ABHD17B: variants seen among roughly 807,000 people sequenced by gnomAD.
ABHD17B encodes the protein abhydrolase domain containing 17B, depalmitoylase.
ABHD17B carries 9 observed loss-of-function variants against 26.2 expected under a neutral mutation model. The observed-to-expected ratio is 0.34, with a 90% confidence interval of 0.21 to 0.60. The LOEUF (loss-of-function observed/expected upper bound fraction) is 0.60. Among genes scored for constraint, ABHD17B ranks in the 20% least tolerant of loss-of-function variants. The pLI, the probability that ABHD17B is intolerant of heterozygous loss-of-function variation, is 0.80. For synonymous variants in ABHD17B, 127 were observed against 122.3 expected (o/e 1.04, Z -0.25); for missense variants, 224 against 352.1 (o/e 0.64, Z 2.91).
At chr9:71,868,304 T>G (rs985406788) in intron 3 of ABHD17B, among the ~76,000 whole-genome samples, 4 of 152,212 alleles carry the variant, frequency 2.6e-5, no homozygotes, top group African/African-American at 9.6e-5. Context: ...CTGCTAAATC[T>G]TGATTGTCTG....
intron 2 of ABHD17B, among the ~76,000 whole-genome samples, chr9:71,872,157 A>G (rs890888761): frequency 6.6e-6 from 1 of 152,222 alleles, no homozygotes; most frequent in Non-Finnish European, 1.5e-5. Context: ...TCTCTTCATT[A>G]AACAGATGAG....
chr9:71,863,146 T>C (rs963162528), downstream of ABHD17B, among the ~76,000 whole-genome samples: 1 of 152,192 alleles, frequency 6.6e-6, no homozygotes, highest in Non-Finnish European at 1.5e-5. Flanking sequence ...TTGGAGGATA[T>C]GGCACAAGAC....
chr9:71,880,546 C>T (rs969999798), intron 1 of ABHD17B, among the ~76,000 whole-genome samples: 1 of 151,780 alleles, frequency 6.6e-6, no homozygotes, highest in Admixed American at 6.6e-5. Flanking sequence ...ATATAATTAC[C>T]CTGATAGAAA....
intron 1 of ABHD17B, among the ~76,000 whole-genome samples, chr9:71,895,835 A>C (rs1826936611): frequency 6.6e-6 from 1 of 152,184 alleles, no homozygotes; most frequent in Non-Finnish European, 1.5e-5. Context: ...CTTGGGGTCA[A>C]GCCTAAAAAT....
At chr9:71,863,283 T>G (rs1249125005), downstream of ABHD17B, among the ~76,000 whole-genome samples, 1 of 152,202 alleles carries the variant, frequency 6.6e-6, no homozygotes, top group Admixed American at 6.5e-5. Context: ...CCATTACGTG[T>G]GAGTAGGGCT....
intron 1 of ABHD17B, among the ~76,000 whole-genome samples, chr9:71,899,977 C>A (rs1403068251): frequency 6.6e-6 from 1 of 151,980 alleles, no homozygotes; most frequent in Non-Finnish European, 1.5e-5. Flanking sequence ...AAAAACAAGC[C>A]AGAACAGTAT....
rs1180729763 is a variant in ABHD17B at position 71,894,087 on chromosome 9, C to CA, written c.-4+16546dup. Reference sequence around the variant, plus strand: ...TGGGCGACAGAGCGAGACTCTATCTCAAAAAAAAAAAAAAAAAAAAAAAAA... The same window carrying CA: ...TGGGCGACAGAGCGAGACTCTATCTCAAAAAAAAAAAAAAAAAAAAAAAAAA... On this transcript the variant is annotated intron_variant, in intron 1 of 3. Transcript: ENST00000333421. 9.4e-4 allele frequency among the ~76,000 whole-genome samples: 49 copies of CA among 52,322 alleles called. 2 individuals carry two copies. Among genetic ancestry groups the CA allele is most frequent in the African/African-American group, 4.0e-3 (46 of 11,628 alleles). 34.3% of individuals were successfully genotyped at this position (52,322 alleles called of 152,430 possible).
At chr9:71,896,294 C>T (rs928277399) in intron 1 of ABHD17B, among the ~76,000 whole-genome samples, 1 of 152,148 alleles carries the variant, frequency 6.6e-6, no homozygotes, top group Non-Finnish European at 1.5e-5. Context: ...CTCCTGACTT[C>T]AATTTCTTTT....
At chr9:71,875,853 T>C (rs951247039) in intron 1 of ABHD17B, among the ~76,000 whole-genome samples, 1 of 152,212 alleles carries the variant, frequency 6.6e-6, no homozygotes, top group Non-Finnish European at 1.5e-5. Flanking sequence ...AAGTGCTCTA[T>C]GTGTGTTACT....
intron 1 of ABHD17B, among the ~76,000 whole-genome samples, chr9:71,898,504 C>T (rs1349611790): frequency 3.3e-5 from 5 of 150,236 alleles, no homozygotes; most frequent in Non-Finnish European, 5.9e-5. Flanking sequence ...CTGGGCATGG[C>T]GGTGCATGCC....
intron 1 of ABHD17B, among the ~76,000 whole-genome samples, chr9:71,891,403 T>C (rs1826778521): frequency 6.6e-6 from 1 of 152,214 alleles, no homozygotes; most frequent in African/African-American, 2.4e-5. Context: ...CTATTTCCTC[T>C]CCATCTTCTC....
Position 71,870,093 on chromosome 9 carries a change from C to A in ABHD17B, c.637G>T (p.Ala213Ser). Residue 213 changes from alanine (A) to serine (S), a missense_variant, in exon 3 of 4, where the codon GCA becomes TCA. By Grantham distance (99) the Ala-to-Ser change is moderately conservative. Transcript: ENST00000333421. The stretch of plus-strand genomic sequence containing the variant: ...AATATTGCTACTTACTTTGGGAATG[C>A]ATCAAAACAGTAGGTCTTCTTGGTA... ...PDTKKTYCFD[A>S]FPNIDKISKI... The A allele has an allele frequency of 3.1e-6, 5 of 1,605,870 alleles. No individual in the cohort carries two copies. Among genetic ancestry groups the A allele is most frequent in the Non-Finnish European group, 4.2e-6 (5 of 1,177,814 alleles).
chr9:71,906,445 TTAC>T (rs1214150360), intron 1 of ABHD17B, among the ~76,000 whole-genome samples: 5 of 152,224 alleles, frequency 3.3e-5, no homozygotes, highest in African/African-American at 4.8e-5. Context: ...AAGCGTCTAA[TTAC>T]TACTATTTCT....
chr9:71,885,440 A>T (rs1164830502), intron 1 of ABHD17B, among the ~76,000 whole-genome samples: 1 of 140,862 alleles, frequency 7.1e-6, no homozygotes, highest in African/African-American at 2.6e-5. Flanking sequence ...AGCCTGGGTG[A>T]CAGAACAAGA....
intron 3 of ABHD17B, among the ~76,000 whole-genome samples, chr9:71,867,778 G>A (rs1320566517): frequency 6.6e-6 from 1 of 152,102 alleles, no homozygotes; most frequent in Non-Finnish European, 1.5e-5. Flanking sequence ...AAGACTGCCA[G>A]AGTTTAGAAC....
At chr9:71,907,405 G>A (rs1194612075) in intron 1 of ABHD17B, among the ~76,000 whole-genome samples, 3 of 152,152 alleles carry the variant, frequency 2.0e-5, no homozygotes, top group Non-Finnish European at 4.4e-5. Flanking sequence ...GTATCAACAC[G>A]TGGATATAGG....
chr9:71,906,277 T>C (rs1003833372), intron 1 of ABHD17B, among the ~76,000 whole-genome samples: 2 of 152,220 alleles, frequency 1.3e-5, no homozygotes, highest in African/African-American at 4.8e-5. Flanking sequence ...GATTGCACTT[T>C]TATTTCTGTT....
chr9:71,875,155 C>T, intron 1 of ABHD17B, 72 bp from the exon 2 acceptor site: 2 of 1,173,842 alleles, frequency 1.7e-6, no homozygotes, highest in East Asian at 2.5e-5. Context: ...AGTTAAAACA[C>T]AGACATGGGT....
downstream of ABHD17B, chr9:71,862,464 T>TA: frequency 8.4e-7 from 1 of 1,194,550 alleles, no homozygotes; most frequent in Non-Finnish European, 1.1e-6. Context: ...GGAGAGCAAA[T>TA]AAGTTTATGT....
Sources: allele counts gnomAD v4.1 joint callset (sites outside exome capture counted in the v4.1 genomes callset), GRCh38; gene constraint gnomAD v4.1.1; transcripts MANE v1.5; gene names NCBI Gene and HGNC (gene_info 2026-07-23, HGNC 2026-07-21).